The following LRRC7 variants were observed in gnomAD, a reference collection of about 807,000 sequenced individuals.
LRRC7 encodes the protein leucine rich repeat containing 7.
LRRC7 carries 23 observed loss-of-function variants against 175.7 expected under a neutral mutation model. The observed-to-expected ratio is 0.13, with a 90% CI of 0.09 to 0.19. The LOEUF is 0.19. Among genes scored for constraint, LRRC7 ranks in the 10% least tolerant of loss-of-function variants. LRRC7 has a pLI of 1.00. For missense variants in LRRC7, 1,354 were observed against 1,904.7 expected, an observed-to-expected ratio of 0.71 and a Z score of 5.38; for synonymous variants, 685 against 680.9, an observed-to-expected ratio of 1.01 and a Z score of -0.09.
intron 1 of LRRC7, among the ~76,000 whole-genome samples, chr1:69,670,974 G>A (rs1348403154): frequency 6.6e-6 from 1 of 152,112 alleles, no homozygotes; most frequent in Non-Finnish European, 1.5e-5. Context: ...TGGAACTGGG[G>A]ACCCCAGGAG....
intron 2 of LRRC7, among the ~76,000 whole-genome samples, chr1:69,680,691 T>G (rs1344435447): frequency 6.6e-6 from 1 of 151,764 alleles, no homozygotes; most frequent in Non-Finnish European, 1.5e-5. Flanking sequence ...TTTTTTTTTT[T>G]TTGTAATGGA....
intron 3 of LRRC7, among the ~76,000 whole-genome samples, chr1:69,782,825 G>A (rs112340298): frequency 0.012 from 1,901 of 152,188 alleles, 44 homozygotes; most frequent in African/African-American, 0.043. Flanking sequence ...TCCATGCCTG[G>A]GCTTCAGGTG....
At chr1:69,684,485 T>C (rs957894562) in intron 2 of LRRC7, among the ~76,000 whole-genome samples, 6 of 152,106 alleles carry the variant, frequency 3.9e-5, no homozygotes, top group Non-Finnish European at 5.9e-5. Flanking sequence ...AAGCTTTTGA[T>C]TCTGGAACAG....
In LRRC7 at chr1:70,133,086, CTTT is replaced by C. The variant is rs753988664; in HGVS notation, c.*11201_*11203del. ...ATTTAGTTGTACACATCCGCATACT[CTTT>C]TAAAGAAACATGTGTCTGCAGTTCA... On this transcript the variant is annotated 3_prime_UTR_variant, in exon 27 of 27. Coordinates refer to ENST00000651989, the MANE Select transcript of LRRC7 (RefSeq NM_001370785.2). 2.6e-5 allele frequency among the ~76,000 whole-genome samples: 4 copies of C among 152,144 alleles called. No individual in the cohort carries two copies. Among genetic ancestry groups the C allele is most frequent in the Non-Finnish European group, 4.4e-5 (3 of 68,030 alleles).
chr1:69,662,481 T>G (rs1657619377), intron 1 of LRRC7, among the ~76,000 whole-genome samples: 1 of 152,208 alleles, frequency 6.6e-6, no homozygotes, highest in Non-Finnish European at 1.5e-5. Context: ...ACATTGCTGG[T>G]CTTTGTTCTT....
intron 11 of LRRC7, among the ~76,000 whole-genome samples, chr1:70,006,557 C>T (rs1218445394): frequency 6.6e-6 from 1 of 152,000 alleles, no homozygotes; most frequent in Non-Finnish European, 1.5e-5. Context: ...TAGTTTTGAT[C>T]GCTGATGTGT....
chr1:69,957,351 C>T (rs1366072794), intron 8 of LRRC7, among the ~76,000 whole-genome samples: 1 of 151,768 alleles, frequency 6.6e-6, no homozygotes, highest in East Asian at 1.9e-4. Flanking sequence ...ATTCTTACTT[C>T]CATTGAACAA....
rs115274584 is a variant in LRRC7 at position 70,075,009 on chromosome 1, G to A, written c.4231-1068G>A. ...GCTTTCCTAGCTAATGAATTCAAAG[G>A]TGAAATTCACTTTTGAATTCAAGTC... is the stretch of plus-strand genomic sequence containing the variant. On this transcript the variant is annotated intron_variant, in intron 23 of 26. Transcript: ENST00000651989. Among the ~76,000 whole-genome samples, 969 of 152,152 alleles carry A rather than the reference G, an allele frequency of 6.4e-3. 9 individuals carry two copies. The highest frequency in any genetic ancestry group is 0.022 in the African/African-American group (904 of 41,484).
intron 8 of LRRC7, among the ~76,000 whole-genome samples, chr1:69,944,641 C>T (rs1352231498): frequency 1.3e-5 from 2 of 151,962 alleles, no homozygotes; most frequent in African/African-American, 4.8e-5. Flanking sequence ...ATAAGAGTTC[C>T]AATTTCCCCC....
chr1:69,661,506 C>T (rs1180262899), intron 1 of LRRC7, among the ~76,000 whole-genome samples: 1 of 152,130 alleles, frequency 6.6e-6, no homozygotes, highest in African/African-American at 2.4e-5. Flanking sequence ...CGTAACAGTT[C>T]ATTTATTTTA....
At chr1:69,698,028 A>C (rs1662839940) in intron 2 of LRRC7, among the ~76,000 whole-genome samples, 1 of 152,192 alleles carries the variant, frequency 6.6e-6, no homozygotes, top group Admixed American at 6.5e-5. Context: ...CAATTCCTTA[A>C]ACATTTGTGA....
intron 11 of LRRC7, among the ~76,000 whole-genome samples, chr1:70,011,478 C>T (rs563814908): frequency 6.6e-6 from 1 of 152,212 alleles, no homozygotes; most frequent in South Asian, 2.1e-4. Context: ...GTTATAGTCA[C>T]TCATTCCAAG....
At chr1:69,663,133 A>G (rs1657729116) in intron 1 of LRRC7, among the ~76,000 whole-genome samples, 1 of 152,082 alleles carries the variant, frequency 6.6e-6, no homozygotes, top group African/African-American at 2.4e-5. Context: ...GGTTAGTCCT[A>G]CTTTCATTTT....
chr1:69,692,929 A>G lies in LRRC7; in HGVS notation c.100+14451A>G, dbSNP rs564463455. On this transcript the variant is annotated intron_variant, in intron 2 of 26. Transcript: ENST00000651989. Reference sequence around the variant, plus strand: ...TCCCTAATGTGGGTGGGGACCATCCAATCCATGAGGACGTGAATAGAACAA... The same window carrying G: ...TCCCTAATGTGGGTGGGGACCATCCGATCCATGAGGACGTGAATAGAACAA... Among the ~76,000 whole-genome samples the G allele has an allele frequency of 3.9e-5, 6 of 152,304 alleles. No homozygotes were observed. The East Asian group carries it at 1.2e-3, about 29-fold the overall frequency.
intron 2 of LRRC7, among the ~76,000 whole-genome samples, chr1:69,729,418 C>T (rs1667323396): frequency 6.6e-6 from 1 of 152,138 alleles, no homozygotes; most frequent in Non-Finnish European, 1.5e-5. Context: ...CTCCTAGATA[C>T]AATGGGGGTA....
rs551743772 is a variant in LRRC7 at position 70,074,381 on chromosome 1, G to A, written c.4231-1696G>A. ...TAAGGAAAAACTCGACCACAAGGGT[G>A]TTTAATCTTCTAGAATGGCTGAAAA... On this transcript the variant is annotated intron_variant, in intron 23 of 26. Transcript: ENST00000651989. Among the ~76,000 whole-genome samples, 7 of 152,260 alleles carry A rather than the reference G, an allele frequency of 4.6e-5. No individual in the cohort carries two copies. In the South Asian group the frequency reaches 1.5e-3, roughly 32 times the overall value.
chr1:70,074,554 T>G (rs1376331508), intron 23 of LRRC7, among the ~76,000 whole-genome samples: 1 of 152,232 alleles, frequency 6.6e-6, no homozygotes, highest in African/African-American at 2.4e-5. Context: ...AGAGTTGGAT[T>G]GATAATTGAT....
At chr1:69,607,615 G>A (rs191932708) in intron 1 of LRRC7, 1 of 152,036 alleles carries the variant, frequency 6.6e-6, no homozygotes, top group South Asian at 2.1e-4. Context: ...CAGCCTTGAT[G>A]ATGGGTTAAT....
intron 2 of LRRC7, among the ~76,000 whole-genome samples, chr1:69,730,159 G>A (rs902255831): frequency 6.6e-6 from 1 of 152,164 alleles, no homozygotes; most frequent in Non-Finnish European, 1.5e-5. Flanking sequence ...TCCCTCCTAG[G>A]CCTTCAGGCC....
Sources: gnomAD v4.1 joint callset for allele counts (sites outside exome capture counted in the v4.1 genomes callset) on GRCh38, gnomAD v4.1.1 for gene constraint, MANE v1.5 for transcripts, NCBI Gene and HGNC (gene_info 2026-07-23, HGNC 2026-07-21) for gene names.